SMOC2: variants seen among roughly 807,000 people sequenced by gnomAD.
SMOC2 encodes the protein SPARC related modular calcium binding 2.
SMOC2 carries 39 observed loss-of-function variants against 61.4 expected under a neutral mutation model. The observed-to-expected ratio is 0.64, with a 90% CI of 0.49 to 0.83. The LOEUF (loss-of-function observed/expected upper bound fraction) is 0.83. Ranked by LOEUF, SMOC2 falls within the 40% of genes least tolerant of loss-of-function variation. The pLI is 0.00. For missense variants in SMOC2, 556 were observed against 592.9 expected, an observed-to-expected ratio of 0.94 and a Z score of 0.65; for synonymous variants, 247 against 239.9, an observed-to-expected ratio of 1.03 and a Z score of -0.27.
At chr6:168,609,194 A>G (rs6455538) in intron 9 of SMOC2, among the ~76,000 whole-genome samples, 25,330 of 152,214 alleles carry the variant, frequency 0.17, 2,320 homozygotes, top group Middle Eastern at 0.31. Context: ...CCGGGGACAC[A>G]CAGCACAGTT....
chr6:168,605,538 T>G (rs1280502580), intron 8 of SMOC2, among the ~76,000 whole-genome samples: 1 of 152,210 alleles, frequency 6.6e-6, no homozygotes, highest in African/African-American at 2.4e-5. Context: ...TTCACACTAC[T>G]CATTAAAACA....
At chr6:168,580,529 C>T (rs1784896525) in intron 7 of SMOC2, among the ~76,000 whole-genome samples, 2 of 152,162 alleles carry the variant, frequency 1.3e-5, no homozygotes, top group Admixed American at 1.3e-4. Flanking sequence ...TGATAAAACA[C>T]AGGTTTTGGT....
intron 1 of SMOC2, among the ~76,000 whole-genome samples, chr6:168,458,659 C>T (rs1332823773): frequency 6.6e-6 from 1 of 152,138 alleles, no homozygotes. Flanking sequence ...GCTTGCACCC[C>T]TGTCCGGGCC....
intron 9 of SMOC2, among the ~76,000 whole-genome samples, chr6:168,624,573 C>G (rs536406141): frequency 7.8e-6 from 1 of 127,860 alleles, no homozygotes; most frequent in Non-Finnish European, 1.7e-5. Flanking sequence ...CATACAGAAA[C>G]ACACACACAG....
chr6:168,644,029 CAAA>C (rs1786960710), intron 9 of SMOC2, among the ~76,000 whole-genome samples: 1 of 152,230 alleles, frequency 6.6e-6, no homozygotes, highest in Non-Finnish European at 1.5e-5. Context: ...TGGAATAAAA[CAAA>C]GAAGCACAGC....
At chr6:168,601,216 C>G (rs1390471098) in intron 8 of SMOC2, among the ~76,000 whole-genome samples, 1 of 152,204 alleles carries the variant, frequency 6.6e-6, no homozygotes, top group Non-Finnish European at 1.5e-5. Context: ...TCACCAAGAT[C>G]GGGTCCACCC....
intron 1 of SMOC2, among the ~76,000 whole-genome samples, chr6:168,459,082 G>C (rs2115001062): frequency 6.6e-6 from 1 of 152,300 alleles, no homozygotes; most frequent in South Asian, 2.1e-4. Flanking sequence ...CCCTCGATGT[G>C]GTGGGTGCTC....
intron 2 of SMOC2, among the ~76,000 whole-genome samples, chr6:168,512,440 G>A (rs1237299436): frequency 1.3e-5 from 2 of 152,184 alleles, no homozygotes; most frequent in Non-Finnish European, 1.5e-5. Flanking sequence ...CACAAATGGA[G>A]GGGTGAGCTA....
chr6:168,476,177 C>T lies in SMOC2; in HGVS notation c.85-33738C>T, dbSNP rs577553123. Among the ~76,000 whole-genome samples, 13 of 152,244 alleles carry T rather than the reference C, an allele frequency of 8.5e-5. No individual in the cohort carries two copies. The East Asian group carries it at 2.5e-3, about 29-fold the overall frequency. On this transcript the variant is annotated intron_variant, in intron 1 of 12. Transcript: ENST00000356284. ...AGGCAGTTGGGAAATACATGAGAGT[C>T]TTGGCTGCACTTTAGATTTGGGAGT...
At chr6:168,540,229 C>G (rs982724209) in intron 4 of SMOC2, among the ~76,000 whole-genome samples, 2 of 152,212 alleles carry the variant, frequency 1.3e-5, no homozygotes, top group African/African-American at 4.8e-5. Flanking sequence ...AATGAATGCA[C>G]ATAAGGTGAT....
At chr6:168,542,580 G>A (rs1783895942) in intron 4 of SMOC2, among the ~76,000 whole-genome samples, 2 of 152,162 alleles carry the variant, frequency 1.3e-5, no homozygotes, top group African/African-American at 4.8e-5. Flanking sequence ...AGGAGGGTTT[G>A]GGGTGGCTGC....
chr6:168,600,419 A>C (rs1484855787), intron 8 of SMOC2, among the ~76,000 whole-genome samples: 1 of 27,744 alleles, frequency 3.6e-5, no homozygotes, highest in East Asian at 1.1e-3. Context: ...AAAAAAAAAA[A>C]AACAAAAAAA....
At chr6:168,589,275 T>G (rs1426369041) in intron 7 of SMOC2, among the ~76,000 whole-genome samples, 4 of 152,218 alleles carry the variant, frequency 2.6e-5, no homozygotes, top group Non-Finnish European at 5.9e-5. Flanking sequence ...TGGCTGACAC[T>G]AAATAACAAT....
chr6:168,562,784 C>G (rs540777996), intron 7 of SMOC2, among the ~76,000 whole-genome samples: 1 of 152,138 alleles, frequency 6.6e-6, no homozygotes, highest in South Asian at 2.1e-4. Context: ...GGTCCTGCCC[C>G]GGGAGAGCGT....
intron 1 of SMOC2, among the ~76,000 whole-genome samples, chr6:168,476,283 CTAGT>C (rs1782082697): frequency 1.3e-5 from 2 of 152,074 alleles, no homozygotes; most frequent in African/African-American, 2.4e-5. Context: ...CAATCACTCA[CTAGT>C]TAATCACTGA....
intron 2 of SMOC2, among the ~76,000 whole-genome samples, chr6:168,512,615 G>A (rs536026937): frequency 3.2e-4 from 49 of 152,342 alleles, no homozygotes; most frequent in Non-Finnish European, 5.3e-4. Flanking sequence ...TAAAGATGCT[G>A]ACATGAACTT....
chr6:168,622,509 T>A (rs1252020611), intron 9 of SMOC2, among the ~76,000 whole-genome samples: 1 of 151,984 alleles, frequency 6.6e-6, no homozygotes, highest in East Asian at 1.9e-4. Flanking sequence ...TTGACATTAC[T>A]CTTTATTGTT....
intron 4 of SMOC2, among the ~76,000 whole-genome samples, chr6:168,539,009 C>A (rs937591373): frequency 6.6e-6 from 1 of 152,068 alleles, no homozygotes; most frequent in Non-Finnish European, 1.5e-5. Flanking sequence ...CTCAGGAAAA[C>A]CACCAGGGGA....
In SMOC2 at chr6:168,519,153, G is replaced by A. The variant is rs547025649; in HGVS notation, c.257-7193G>A. ...TGTATGTGTGCATGTGTGAGCATGC[G>A]TGTGTGTATGCGTGCATGTGTGAGT... On this transcript the variant is annotated intron_variant, in intron 2 of 12. Transcript: ENST00000356284. Among the ~76,000 whole-genome samples the A allele has an allele frequency of 7.3e-4, 111 of 151,564 alleles. 2 individuals are homozygous for A. The highest frequency in any genetic ancestry group is 2.8e-4 in the Non-Finnish European group (19 of 67,870).
Sources: allele counts gnomAD v4.1 joint callset (sites outside exome capture counted in the v4.1 genomes callset), GRCh38; gene constraint gnomAD v4.1.1; transcripts MANE v1.5; gene names NCBI Gene and HGNC (gene_info 2026-07-23, HGNC 2026-07-21).